Variants in IL6R observed in about 807,000 individuals in gnomAD.
IL6R encodes interleukin-6 receptor subunit alpha.
Under a neutral mutation model 48.3 loss-of-function variants are expected in IL6R, and 38 were observed. The observed-to-expected ratio is 0.79, with a 90% CI of 0.61 to 1.03. The LOEUF (loss-of-function observed/expected upper bound fraction) is 1.03, where lower values mean the gene tolerates loss of function less well. IL6R is among the 50% of genes least tolerant of loss of function. IL6R has a pLI of 0.00. For synonymous variants in IL6R, 264 were observed against 256.2 expected, an observed-to-expected ratio of 1.03 and a Z score of -0.29; for missense variants, 534 against 618.3, an observed-to-expected ratio of 0.86 and a Z score of 1.45.
chr1:154,457,782 A>G (rs577273615), intron 9 of IL6R, among the ~76,000 whole-genome samples: 1 of 152,212 alleles, frequency 6.6e-6, no homozygotes, highest in East Asian at 1.9e-4. Context: ...CTACAAGTGG[A>G]GGAGACATTG....
Position 154,465,285 on chromosome 1 carries a change from G to T in IL6R, c.1312G>T (p.Gly438Trp), listed in dbSNP as rs1691500328. Reference protein sequence around the residue: ...ISPPVSPSSLGSDNTSSHNRP... With the variant: ...ISPPVSPSSLWSDNTSSHNRP... ...CCCACCGGTGTCCCCCAGCAGCCTGGGGTCTGACAATACCTCGAGCCACAA... is the reference window on the plus strand; with the variant it reads ...CCCACCGGTGTCCCCCAGCAGCCTGTGGTCTGACAATACCTCGAGCCACAA... Residue 438 changes from glycine to tryptophan, a missense_variant, in exon 10 of 10, where the codon GGG becomes TGG. Transcript: ENST00000368485. 1 of 1,614,032 alleles carries T rather than the reference G, an allele frequency of 6.2e-7. No homozygotes were observed. Among genetic ancestry groups the T allele is most frequent in the Non-Finnish European group, 8.5e-7 (1 of 1,180,044 alleles).
chr1:154,410,962 A>C (rs1231008488), intron 1 of IL6R, among the ~76,000 whole-genome samples: 2 of 152,240 alleles, frequency 1.3e-5, no homozygotes, highest in East Asian at 3.8e-4. Context: ...GTAATCTTCA[A>C]AACAGCCTCA....
chr1:154,444,069 T>G (rs1690076261), intron 6 of IL6R, among the ~76,000 whole-genome samples: 1 of 152,126 alleles, frequency 6.6e-6, no homozygotes, highest in African/African-American at 2.4e-5. Context: ...CGTGCCCCTC[T>G]CCACGACCCT....
At chr1:154,429,551 C>T (rs1390800226) in intron 2 of IL6R, 107 bp downstream of exon 2, 32 of 1,370,822 alleles carry the variant, frequency 2.3e-5, no homozygotes, top group South Asian at 8.7e-5. Flanking sequence ...ATTTCCTTGG[C>T]GCAAGAATTT....
intron 9 of IL6R, among the ~76,000 whole-genome samples, chr1:154,461,789 G>T (rs1017237094): frequency 6.6e-6 from 1 of 152,076 alleles, no homozygotes; most frequent in African/African-American, 2.4e-5. Flanking sequence ...GGAATTTGGG[G>T]CTAGGGTTGT....
chr1:154,438,049 A>G (rs1689736452), intron 6 of IL6R, among the ~76,000 whole-genome samples: 1 of 152,066 alleles, frequency 6.6e-6, no homozygotes. Context: ...TAATACATGC[A>G]CATGGCAAAG....
chr1:154,408,928 T>C (rs1425295948), intron 1 of IL6R, among the ~76,000 whole-genome samples: 2 of 152,088 alleles, frequency 1.3e-5, no homozygotes, highest in African/African-American at 4.8e-5. Flanking sequence ...GAGGATCTCT[T>C]GAGCTCAGGA....
chr1:154,416,140 T>C (rs1334943310), intron 1 of IL6R, among the ~76,000 whole-genome samples: 2 of 151,908 alleles, frequency 1.3e-5, no homozygotes, highest in Admixed American at 6.6e-5. Flanking sequence ...TTCCTTCCTA[T>C]TTTTTTAGAG....
At chr1:154,420,166 G>A (rs1316143699) in intron 1 of IL6R, among the ~76,000 whole-genome samples, 1 of 152,064 alleles carries the variant, frequency 6.6e-6, no homozygotes, top group East Asian at 1.9e-4. Flanking sequence ...GGATGATCTG[G>A]TCATCATCCT....
chr1:154,407,583 G>T (rs1172061813), intron 1 of IL6R, among the ~76,000 whole-genome samples: 1 of 152,184 alleles, frequency 6.6e-6, no homozygotes, highest in African/African-American at 2.4e-5. Context: ...TAAAAATAAA[G>T]AAATCGTACA....
chr1:154,408,824 G>A (rs1687874615), intron 1 of IL6R, among the ~76,000 whole-genome samples: 1 of 151,964 alleles, frequency 6.6e-6, no homozygotes, highest in Non-Finnish European at 1.5e-5. Context: ...TCTGTAATAC[G>A]GTAGCCACTA....
chr1:154,428,329 G>A (rs901139162), intron 1 of IL6R, among the ~76,000 whole-genome samples: 5 of 152,002 alleles, frequency 3.3e-5, no homozygotes, highest in African/African-American at 4.8e-5. Context: ...TAGATGTAGG[G>A]TACTGGAGGG....
At chr1:154,448,276 T>G in intron 7 of IL6R, 105 bp downstream of exon 7, 1 of 849,774 alleles carries the variant, frequency 1.2e-6, no homozygotes, top group South Asian at 1.4e-5. Flanking sequence ...CTGTCACTAG[T>G]AGAAATGTGG....
intron 1 of IL6R, among the ~76,000 whole-genome samples, chr1:154,410,545 C>T (rs960652485): frequency 1.3e-5 from 2 of 152,180 alleles, no homozygotes; most frequent in Non-Finnish European, 2.9e-5. Flanking sequence ...GCCTTTGTGT[C>T]CAGCTGGGAG....
intron 6 of IL6R, among the ~76,000 whole-genome samples, chr1:154,446,953 A>G (rs1278802696): frequency 6.6e-6 from 1 of 152,170 alleles, no homozygotes; most frequent in Non-Finnish European, 1.5e-5. Flanking sequence ...TTCTTCATAC[A>G]GCATTATGTC....
At chr1:154,447,516 CACAT>C (rs1196158900) in intron 6 of IL6R, among the ~76,000 whole-genome samples, 1 of 137,496 alleles carries the variant, frequency 7.3e-6, no homozygotes, top group Non-Finnish European at 1.5e-5. Flanking sequence ...TATATATACA[CACAT>C]ACATATATAT....
intron 1 of IL6R, among the ~76,000 whole-genome samples, chr1:154,422,667 C>G (rs186163906): frequency 6.6e-5 from 10 of 152,326 alleles, no homozygotes. Context: ...AGCAATTGCT[C>G]ACGGACAAAT....
At chr1:154,427,473 T>C (rs1225132953) in intron 1 of IL6R, among the ~76,000 whole-genome samples, 1 of 152,200 alleles carries the variant, frequency 6.6e-6, no homozygotes, top group African/African-American at 2.4e-5. Context: ...CCAGCTTTCT[T>C]ACCCAAGGTC....
At chr1:154,447,512 TAC>T (rs1422699312) in intron 6 of IL6R, among the ~76,000 whole-genome samples, 4 of 121,378 alleles carry the variant, frequency 3.3e-5, no homozygotes, top group African/African-American at 1.1e-4. Flanking sequence ...CATATATATA[TAC>T]ACACATACAT....
Sources: allele counts gnomAD v4.1 joint callset (sites outside exome capture counted in the v4.1 genomes callset), GRCh38; gene constraint gnomAD v4.1.1; transcripts MANE v1.5; gene names NCBI Gene and HGNC (gene_info 2026-07-23, HGNC 2026-07-21).